SCAMP3: variants seen among roughly 807,000 people sequenced by gnomAD.
SCAMP3 encodes the protein secretory carrier membrane protein 3.
SCAMP3 carries 30 observed loss-of-function variants against 44.1 expected under a neutral mutation model. The ratio of observed to expected loss-of-function variants is 0.68; its 90% CI spans 0.51 to 0.92. The LOEUF is 0.92. SCAMP3 is among the 40% of genes least tolerant of loss of function. The probability of loss-of-function intolerance (pLI) is 0.00; values close to 1 mark genes in which losing one functional copy is unlikely to be tolerated. For missense variants in SCAMP3, 394 were observed against 440.0 expected (o/e 0.90, Z 0.93); for synonymous variants, 168 against 171.1 (o/e 0.98, Z 0.14).
intron 6 of SCAMP3, 23 bp from the exon 7 acceptor site, chr1:155,257,409 G>T: frequency 6.2e-7 from 1 of 1,608,994 alleles, no homozygotes; most frequent in Non-Finnish European, 8.5e-7. Flanking sequence ...AAAAAATGGG[G>T]AGGGTGGGAG....
intron 7 of SCAMP3, 24 bp from the exon 8 acceptor site, chr1:155,256,815 T>C (rs942967566): frequency 2.5e-6 from 4 of 1,583,494 alleles, no homozygotes; most frequent in Admixed American, 1.7e-5. Context: ...GATGTACCAG[T>C]GAAGAGGGGC....
In SCAMP3 at chr1:155,260,419, A is replaced by G; in HGVS notation, c.299T>C (p.Leu100Pro). ...ASAAAATAEL[L>P]KKQEELNRKA... ...CCGGTTGAGCTCCTCCTGTTTCTTC[A>G]GCAGCTCAGCTGTGGCTGCTGCAGC... Residue 100 changes from leucine to proline, a missense_variant, in exon 4 of 9, where the codon CTG (leucine) becomes CCG (proline). Leu to Pro is a moderately conservative substitution (Grantham distance 98). Coordinates refer to ENST00000302631, the MANE Select transcript of SCAMP3 (RefSeq NM_005698.4). 6.2e-7 allele frequency: 1 copy of G among 1,614,008 alleles called. No homozygotes were observed. The highest frequency in any genetic ancestry group is 8.5e-7 in the Non-Finnish European group (1 of 1,180,014).
intron 1 of SCAMP3, 89 bp from the exon 2 acceptor site, chr1:155,261,823 GTACT>G: frequency 8.0e-7 from 1 of 1,242,496 alleles, no homozygotes; most frequent in Non-Finnish European, 1.2e-6. Flanking sequence ...GTGGCTCCAA[GTACT>G]GCACCTTCGG....
At chr1:155,260,074 C>T (rs1331351760) in intron 4 of SCAMP3, among the ~76,000 whole-genome samples, 1 of 151,992 alleles carries the variant, frequency 6.6e-6, no homozygotes, top group East Asian at 1.9e-4. Flanking sequence ...GCCTCAGCCT[C>T]CCGAGTAGCT....
chr1:155,261,980 C>T, intron 1 of SCAMP3, 106 bp downstream of exon 1: 2 of 1,209,758 alleles, frequency 1.7e-6, no homozygotes, highest in Non-Finnish European at 2.4e-6. Flanking sequence ...CGTGGCGGCT[C>T]TTCCCAGGAT....
In SCAMP3 at chr1:155,260,590, A is replaced by G. The variant is rs752410992; in HGVS notation, c.214T>C (p.Ser72Pro). 1.2e-6 allele frequency: 2 copies of G among 1,614,070 alleles called. No individual in the cohort carries two copies. The highest frequency in any genetic ancestry group is 4.5e-5 in the East Asian group (2 of 44,866). The change falls in exon 3 of 9, where the codon TCG becomes CCG. Residue 72 changes from serine (S) to proline (P), a missense_variant. Ser to Pro is a moderately conservative substitution (Grantham distance 74). Coordinates refer to ENST00000302631, the MANE Select transcript of SCAMP3 (RefSeq NM_005698.4). ...PPPSAPSLQP[S>P]RKLSPTEPKN... ...GGTTCTGTGGGGCTGAGCTTTCTCG[A>G]GGGCTGCAAGGAGGGAGCTGAGGGT...
Position 155,262,268 on chromosome 1 carries a change from C to A in SCAMP3, c.-117G>T. The A allele has an allele frequency of 1.1e-6, 1 of 937,474 alleles. No homozygotes were observed. 58.1% of individuals were successfully genotyped at this position (937,474 alleles called of 1,614,324 possible). ...CCTCAGTTCGCCCCGCTTCTCTGTGCACGGATTGGTTCCACCGACCGGAAG... is the reference window on the plus strand; with the variant it reads ...CCTCAGTTCGCCCCGCTTCTCTGTGAACGGATTGGTTCCACCGACCGGAAG... On this transcript the variant is annotated 5_prime_UTR_variant, in exon 1 of 9. Coordinates refer to ENST00000302631, the MANE Select transcript of SCAMP3 (RefSeq NM_005698.4).
At chr1:155,262,004 TG>T in intron 1 of SCAMP3, 81 bp downstream of exon 1, 1 of 1,369,034 alleles carries the variant, frequency 7.3e-7, no homozygotes, top group Non-Finnish European at 1.0e-6. Context: ...ATGTCACAAA[TG>T]GGGATACAAG....
Position 155,256,268 on chromosome 1 carries a change from AG to A in SCAMP3, c.*4del, listed in dbSNP as rs1447882010. 1 of 1,561,380 alleles carries A rather than the reference AG, an allele frequency of 6.4e-7. No individual in the cohort carries two copies. Among genetic ancestry groups the A allele is most frequent in the Non-Finnish European group, 8.7e-7 (1 of 1,149,802 alleles). ...GTAGCAGGGCCAGGGCATCCCAGTC[AG>A]GGGTCACGGGGCCCGGAAGGCATTT... is the stretch of plus-strand genomic sequence containing the variant. On this transcript the variant is annotated 3_prime_UTR_variant, in exon 9 of 9. Coordinates refer to ENST00000302631, the MANE Select transcript of SCAMP3 (RefSeq NM_005698.4).
At chr1:155,257,694 G>A in intron 5 of SCAMP3, 37 bp from the exon 6 acceptor site, 1 of 1,542,862 alleles carries the variant, frequency 6.5e-7, no homozygotes, top group Non-Finnish European at 8.8e-7. Context: ...AGCCCTTCTG[G>A]ACTGCAATGA....
At chr1:155,258,023 CT>C (rs1387005364) in intron 5 of SCAMP3, among the ~76,000 whole-genome samples, 118 of 99,914 alleles carry the variant, frequency 1.2e-3, no homozygotes, top group Non-Finnish European at 1.2e-3. Context: ...TTTTTTTTTT[CT>C]TTTTTTTTTT....
In SCAMP3 at chr1:155,256,241, A is replaced by G. The variant is rs754272676; in HGVS notation, c.*32T>C. On this transcript the variant is annotated 3_prime_UTR_variant, in exon 9 of 9. Transcript: ENST00000302631. ...GGACGGGAGCTAAGTCAGCTCCCTC[A>G]AGTAGCAGGGCCAGGGCATCCCAGT... 2 of 1,524,826 alleles carry G rather than the reference A, an allele frequency of 1.3e-6. No individual in the cohort carries two copies. Among genetic ancestry groups the G allele is most frequent in the Admixed American group, 4.4e-5 (2 of 45,704 alleles). The allele number at this position is 1,524,826 out of a possible 1,614,324, so 94.5% of individuals were successfully genotyped here. A position where few individuals can be genotyped will look rare whatever the true frequency, so the allele number is the denominator to read the frequency against.
chr1:155,259,380 G>A (rs1672896589), intron 4 of SCAMP3, among the ~76,000 whole-genome samples: 2 of 151,970 alleles, frequency 1.3e-5, no homozygotes, highest in Non-Finnish European at 1.5e-5. Context: ...TCACCATGTT[G>A]GCTGGTCCTG....
rs1020430498 is a variant in SCAMP3 at position 155,258,965 on chromosome 1, C to T, written c.389-11G>A. The T allele has an allele frequency of 6.4e-7, 1 of 1,567,230 alleles. No individual in the cohort carries two copies. Among genetic ancestry groups the T allele is most frequent in the Non-Finnish European group, 8.6e-7 (1 of 1,157,354 alleles). ...AATTGTTCTGTCGAGCTGTAAGGCA[C>T]AAAAAAACAGGTGGACCCCAGAAGT... On this transcript the variant is annotated splice_polypyrimidine_tract_variant and intron_variant, in intron 4 of 8. Coordinates refer to ENST00000302631, the MANE Select transcript of SCAMP3 (RefSeq NM_005698.4).
chr1:155,259,675 T>C (rs1457471433), intron 4 of SCAMP3, among the ~76,000 whole-genome samples: 2 of 152,154 alleles, frequency 1.3e-5, no homozygotes, highest in African/African-American at 4.8e-5. Flanking sequence ...CTGGATCCTC[T>C]CTTTTATCTC....
At chr1:155,258,053 C>G (rs1672854402) in intron 5 of SCAMP3, among the ~76,000 whole-genome samples, 1 of 148,390 alleles carries the variant, frequency 6.7e-6, no homozygotes, top group Non-Finnish European at 1.5e-5. Context: ...GAATCTCGCT[C>G]TGTCGCCCAG....
At position 155,260,543 on chromosome 1, in the gene SCAMP3, G is replaced by C. The variant is rs748521125; in HGVS notation, c.261C>G (p.Ser87Arg). The change falls in exon 3 of 9, where the codon AGC becomes AGG. Residue 87 changes from serine to arginine, a missense_variant. Coordinates refer to ENST00000302631, the MANE Select transcript of SCAMP3 (RefSeq NM_005698.4). ...PTEPKNYGSY[S>R]TQASAAAATA... Reference sequence around the variant, plus strand: ...ACCTGCACACCTCCTGTACCTGAGTGCTGTATGAGCCATAGTTCTTAGGTT... The same window carrying C: ...ACCTGCACACCTCCTGTACCTGAGTCCTGTATGAGCCATAGTTCTTAGGTT... The C allele has an allele frequency of 2.5e-6, 4 of 1,614,056 alleles. No individual in the cohort carries two copies. In the South Asian group the frequency reaches 4.4e-5, roughly 18 times the overall value.
chr1:155,256,256 G>C lies in SCAMP3; in HGVS notation c.*17C>G. ...CAGCTCCCTCAAGTAGCAGGGCCAGGGCATCCCAGTCAGGGGTCACGGGGC... is the reference window on the plus strand; with the variant it reads ...CAGCTCCCTCAAGTAGCAGGGCCAGCGCATCCCAGTCAGGGGTCACGGGGC... On this transcript the variant is annotated 3_prime_UTR_variant, in exon 9 of 9. Transcript: ENST00000302631. 6.5e-7 allele frequency: 1 copy of C among 1,547,674 alleles called. No individual in the cohort carries two copies. The highest frequency in any genetic ancestry group is 8.7e-7 in the Non-Finnish European group (1 of 1,143,600).
rs1672838482 is a variant in SCAMP3 at position 155,257,552 on chromosome 1, A to G, written c.623T>C (p.Leu208Pro). 6.2e-7 allele frequency: 1 copy of G among 1,610,646 alleles called. No homozygotes were observed. The highest frequency in any genetic ancestry group is 8.5e-7 in the Non-Finnish European group (1 of 1,178,222). Residue 208 changes from leucine to proline, a missense_variant, in exon 6 of 9, where the codon CTT becomes CCT. By Grantham distance (98) the Leu-to-Pro change is moderately conservative. Transcript: ENST00000302631. ...GFGLSILWVL[L>P]FTPCSFVCWY... ...GCAGACAAAGGAGCAGGGAGTGAAA[A>G]GGAGGACCCAGAGGATAGAAAGCCC... is the stretch of plus-strand genomic sequence containing the variant.
Sources: allele counts gnomAD v4.1 joint callset (sites outside exome capture counted in the v4.1 genomes callset), GRCh38; gene constraint gnomAD v4.1.1; transcripts MANE v1.5; gene names NCBI Gene and HGNC (gene_info 2026-07-23, HGNC 2026-07-21).